Variants in NOL4L observed in about 807,000 individuals in gnomAD.
NOL4L encodes nucleolar protein 4 like, also known as nucleolar protein 4-like.
NOL4L carries 7 observed loss-of-function variants against 64.5 expected under a neutral mutation model. The observed-to-expected ratio is 0.11, with a 90% CI of 0.06 to 0.20. The LOEUF (loss-of-function observed/expected upper bound fraction) is 0.20, where lower values mean the gene tolerates loss of function less well. NOL4L is among the 10% of genes least tolerant of loss of function. NOL4L has a pLI of 1.00. For synonymous variants in NOL4L, 413 were observed against 401.0 expected (o/e 1.03, Z -0.36); for missense variants, 680 against 967.1 (o/e 0.70, Z 3.94).
At chr20:32,530,020 T>C (rs1251193030) in intron 1 of NOL4L, among the ~76,000 whole-genome samples, 1 of 152,230 alleles carries the variant, frequency 6.6e-6, no homozygotes, top group African/African-American at 2.4e-5. Flanking sequence ...TACGGGCTGA[T>C]CAATGACTAA....
chr20:32,513,691 T>A (rs1297973497), intron 3 of NOL4L, among the ~76,000 whole-genome samples: 1 of 152,068 alleles, frequency 6.6e-6, no homozygotes, highest in African/African-American at 2.4e-5. Context: ...AGTGAGTCCC[T>A]CGTCTCTACT....
chr20:32,572,240 T>C (rs902168706), intron 1 of NOL4L: 1 of 152,240 alleles, frequency 6.6e-6, no homozygotes, highest in Non-Finnish European at 1.5e-5. Context: ...CGAATCTCCA[T>C]TGGCGAGATA....
At chr20:32,525,476 TCA>T (rs1400150369) in intron 2 of NOL4L, among the ~76,000 whole-genome samples, 2 of 152,252 alleles carry the variant, frequency 1.3e-5, no homozygotes, top group African/African-American at 2.4e-5. Flanking sequence ...TCTCTGAGTC[TCA>T]GTTTTCTCAT....
At chr20:32,489,548 T>G (rs2145515736) in intron 4 of NOL4L, among the ~76,000 whole-genome samples, 1 of 152,310 alleles carries the variant, frequency 6.6e-6, no homozygotes, top group South Asian at 2.1e-4. Flanking sequence ...TAACTCATCT[T>G]TATCCACTAA....
At chr20:32,503,965 C>A (rs2017028255) in intron 4 of NOL4L, among the ~76,000 whole-genome samples, 1 of 152,066 alleles carries the variant, frequency 6.6e-6, no homozygotes, top group East Asian at 1.9e-4. Context: ...TAAGAAGGCC[C>A]ATCTGAGCTT....
intron 1 of NOL4L, among the ~76,000 whole-genome samples, chr20:32,575,859 T>G (rs1980069271): frequency 6.6e-6 from 1 of 152,154 alleles, no homozygotes. Flanking sequence ...AAGGAGGCCC[T>G]CTCTGAGCAG....
At chr20:32,521,235 C>CA (rs1021725830) in intron 2 of NOL4L, among the ~76,000 whole-genome samples, 4 of 152,100 alleles carry the variant, frequency 2.6e-5, no homozygotes, top group Non-Finnish European at 4.4e-5. Context: ...ATTGCTGCTA[C>CA]AAAAAAATGG....
In NOL4L at chr20:32,453,004, G is replaced by C; in HGVS notation, c.1500C>G (p.Thr500=). Residue 500 remains threonine, a splice_region_variant and synonymous_variant, in exon 9 of 11, where the codon ACC becomes ACG. Coordinates refer to ENST00000621426, the MANE Select transcript of NOL4L (RefSeq NM_001256798.2). This position sits in a 1 kb window ranked among gnomAD's most constrained non-coding sequence, Gnocchi z 5.6. ...RRMKKNGMEM[T]RPTPPHLTSA... ...AGGTCAGATGGGGTGGCGTGGGTCT[G>C]GTCTGCAGGCAGAACGGGGATGGAG... The C allele has an allele frequency of 6.2e-7, 1 of 1,613,312 alleles. No individual in the cohort carries two copies. The highest frequency in any genetic ancestry group is 8.5e-7 in the Non-Finnish European group (1 of 1,180,004).
intron 5 of NOL4L, among the ~76,000 whole-genome samples, chr20:32,468,272 G>A (rs1335837116): frequency 6.6e-6 from 1 of 152,156 alleles, no homozygotes; most frequent in African/African-American, 2.4e-5. Flanking sequence ...ACCCTCCCCA[G>A]ATGGCCTGGC....
At chr20:32,564,128 G>A (rs1483254915) in intron 1 of NOL4L, among the ~76,000 whole-genome samples, 1 of 152,210 alleles carries the variant, frequency 6.6e-6, no homozygotes, top group Non-Finnish European at 1.5e-5. Context: ...GCGGGCCCCA[G>A]GATGTCTGTC....
At chr20:32,572,772 C>T (rs1338815185) in intron 1 of NOL4L, among the ~76,000 whole-genome samples, 1 of 152,150 alleles carries the variant, frequency 6.6e-6, no homozygotes, top group African/African-American at 2.4e-5. Context: ...ACCCAGCTGA[C>T]TACTACCCTC....
rs922138702 is a variant in NOL4L at position 32,447,810 on chromosome 20, G to A, written c.1829C>T (p.Thr610Met). ...GGCCCCGCCTTTCATGCTGAGGTCC[G>A]TGGGCCCTGTGGAGAGGGAAGTAGG... Reference protein sequence around the residue: ...LQTGNHSNGPTDLSMKGGAST... With the variant: ...LQTGNHSNGPMDLSMKGGAST... The change falls in exon 11 of 11, where the codon ACG (threonine) becomes ATG (methionine). Residue 610 changes from threonine to methionine, a missense_variant. Thr to Met is a moderately conservative substitution (Grantham distance 81, BLOSUM62 -1). Coordinates refer to ENST00000621426, the MANE Select transcript of NOL4L (RefSeq NM_001256798.2). 7 of 1,550,276 alleles carry A rather than the reference G, an allele frequency of 4.5e-6. No individual in the cohort carries two copies. The highest frequency in any genetic ancestry group is 5.2e-6 in the Non-Finnish European group (6 of 1,146,422).
chr20:32,584,456 G>A (rs1482156796), intron 1 of NOL4L, 114 bp downstream of exon 1: 205 of 886,944 alleles, frequency 2.3e-4, no homozygotes, highest in Non-Finnish European at 2.9e-4. Flanking sequence ...CCCGACACAC[G>A]GACAACCTCA....
intron 2 of NOL4L, among the ~76,000 whole-genome samples, chr20:32,523,726 GCCCTGGGCTGCCTGCTGCCTTGCT>G (rs1336027080): frequency 6.6e-6 from 1 of 152,198 alleles, no homozygotes; most frequent in Non-Finnish European, 1.5e-5. Context: ...GCCCTCCGCT[GCCCTGGGCTGCCTGCTGCCTTGCT>G]CCCCGGGCCT....
intron 4 of NOL4L, among the ~76,000 whole-genome samples, chr20:32,499,175 C>T (rs2016817245): frequency 6.6e-6 from 1 of 151,984 alleles, no homozygotes; most frequent in Non-Finnish European, 1.5e-5. Context: ...CTGCTCCTGG[C>T]CAAAAAAAAT....
At chr20:32,566,451 GA>G (rs1979436679) in intron 1 of NOL4L, among the ~76,000 whole-genome samples, 1 of 152,154 alleles carries the variant, frequency 6.6e-6, no homozygotes, top group Non-Finnish European at 1.5e-5. Context: ...GACAGGCTAC[GA>G]GGGCTCAGAA....
At chr20:32,568,207 A>G (rs1014852152) in intron 1 of NOL4L, among the ~76,000 whole-genome samples, 2 of 152,126 alleles carry the variant, frequency 1.3e-5, no homozygotes, top group African/African-American at 2.4e-5. Flanking sequence ...TGTGTCATGT[A>G]GCATCCGTTC....
At chr20:32,494,253 GAAAAAAAAAAAA>G (rs566317193) in intron 4 of NOL4L, among the ~76,000 whole-genome samples, 1 of 22,028 alleles carries the variant, frequency 4.5e-5, no homozygotes. Flanking sequence ...ATAATCTCGG[GAAAAAAAAAAAA>G]AAAAAAAAAA....
chr20:32,535,744 T>C, intron 1 of NOL4L: 1 of 985,336 alleles, frequency 1.0e-6, no homozygotes, highest in Non-Finnish European at 1.2e-6. Flanking sequence ...CTCTGGGATG[T>C]CTGGAATGGG....
Sources: allele counts gnomAD v4.1 joint callset (sites outside exome capture counted in the v4.1 genomes callset), GRCh38; gene constraint gnomAD v4.1.1; non-coding constraint Gnocchi (gnomAD v3.1); transcripts MANE v1.5; gene names NCBI Gene and HGNC (gene_info 2026-07-23, HGNC 2026-07-21).